Variants in CCDC6 observed in about 807,000 individuals in gnomAD.
CCDC6 encodes coiled-coil domain containing 6.
Under a neutral mutation model 56.6 loss-of-function variants are expected in CCDC6, and 20 were observed. The observed-to-expected ratio is 0.35, with a 90% CI of 0.25 to 0.51. The LOEUF (loss-of-function observed/expected upper bound fraction) is 0.51, where lower values mean the gene tolerates loss of function less well. CCDC6 is among the 20% of genes least tolerant of loss of function. The pLI is 0.95. For synonymous variants in CCDC6, 241 were observed against 234.4 expected (o/e 1.03, Z -0.26); for missense variants, 367 against 601.1 (o/e 0.61, Z 4.07).
At chr10:59,856,757 A>G (rs776198664) in intron 1 of CCDC6, among the ~76,000 whole-genome samples, 7 of 152,312 alleles carry the variant, frequency 4.6e-5, no homozygotes, top group Middle Eastern at 3.4e-3. Context: ...TTTACCTAAA[A>G]TGCTTGCAAG....
chr10:59,863,868 A>G (rs915711248), intron 1 of CCDC6, among the ~76,000 whole-genome samples: 3 of 152,220 alleles, frequency 2.0e-5, no homozygotes, highest in African/African-American at 7.2e-5. Flanking sequence ...ATAACAATTC[A>G]CTGTAAAAAA....
chr10:59,876,362 T>C (rs1387238693), intron 1 of CCDC6, among the ~76,000 whole-genome samples: 1 of 152,000 alleles, frequency 6.6e-6, no homozygotes, highest in African/African-American at 2.4e-5. Context: ...CATATCATTT[T>C]TTTAAAAATC....
chr10:59,797,588 C>CAAAA (rs10561094), intron 7 of CCDC6, among the ~76,000 whole-genome samples: 680 of 31,446 alleles, frequency 0.022, 31 homozygotes, highest in African/African-American at 0.049. Flanking sequence ...AACCTCCTAG[C>CAAAA]AAAAAAAAAA....
At chr10:59,812,932 G>A (rs1254804432) in intron 4 of CCDC6, 137 bp from the exon 5 acceptor site, 1 of 600,366 alleles carries the variant, frequency 1.7e-6, no homozygotes, top group Non-Finnish European at 2.9e-6. Context: ...TAATTCCTCT[G>A]CCCATTTTAC....
intron 8 of CCDC6, among the ~76,000 whole-genome samples, chr10:59,793,506 G>A (rs149530855): frequency 1.6e-4 from 25 of 152,296 alleles, no homozygotes; most frequent in African/African-American, 2.4e-4. Context: ...GTTTGAGGCC[G>A]GGTGCAGTGG....
At chr10:59,852,487 C>CA in intron 2 of CCDC6, 66 bp downstream of exon 2, 1 of 1,362,356 alleles carries the variant, frequency 7.3e-7, no homozygotes, top group Non-Finnish European at 9.9e-7. Flanking sequence ...AGTGCTATAT[C>CA]AAAGTCATTT....
Position 59,883,243 on chromosome 10 carries a change from G to A in CCDC6, c.303+22879C>T, listed in dbSNP as rs573407460. ...ATAAGCAGACAACACTGTCAGTTAC[G>A]AAAAGGACTAAAGTATAGCAATGAG... On this transcript the variant is annotated intron_variant, in intron 1 of 8. Coordinates refer to ENST00000263102, the MANE Select transcript of CCDC6 (RefSeq NM_005436.5). 6.6e-5 allele frequency among the ~76,000 whole-genome samples: 10 copies of A among 152,228 alleles called. 1 individual carries two copies. Among genetic ancestry groups the A allele is most frequent in the South Asian group, 2.1e-4 (1 of 4,816 alleles).
chr10:59,800,371 T>C (rs1176137495), intron 7 of CCDC6, among the ~76,000 whole-genome samples: 1 of 152,244 alleles, frequency 6.6e-6, no homozygotes, highest in Non-Finnish European at 1.5e-5. Flanking sequence ...ATTTTGTCAC[T>C]TTGTGAATGT....
chr10:59,814,627 T>A, intron 4 of CCDC6, 25 bp downstream of exon 4: 1 of 1,382,826 alleles, frequency 7.2e-7, no homozygotes, highest in Non-Finnish European at 1.0e-6. Context: ...CACACACCCA[T>A]ACTGAACAGC....
chr10:59,852,025 C>T (rs1056595359), intron 2 of CCDC6, among the ~76,000 whole-genome samples: 4 of 152,200 alleles, frequency 2.6e-5, no homozygotes, highest in South Asian at 2.1e-4. Flanking sequence ...TCGTGATCAA[C>T]GTTGAGTTTT....
rs2071550011 is a variant in CCDC6, at chr10:59,906,519, GGAGCGCCGAGCT to G, written c.-107_-96del. ...TGAGTGGGCGCCGGGCGAGCACAGG[GGAGCGCCGAGCT>G]GAGCGCCTGGCACCAGGGCGCAGAC... On this transcript the variant is annotated 5_prime_UTR_variant, in exon 1 of 9. Coordinates refer to ENST00000263102, the MANE Select transcript of CCDC6 (RefSeq NM_005436.5). 4 of 1,138,396 alleles carry G rather than the reference GGAGCGCCGAGCT, an allele frequency of 3.5e-6. No homozygotes were observed. Among genetic ancestry groups the G allele is most frequent in the East Asian group, 3.0e-5 (1 of 33,290 alleles). The allele number at this position is 1,138,396 out of a possible 1,614,324, so 70.5% of individuals were successfully genotyped here. A position where few individuals can be genotyped will look rare whatever the true frequency, so the allele number is the denominator to read the frequency against.
chr10:59,803,937 G>C (rs1452912126), intron 7 of CCDC6, among the ~76,000 whole-genome samples: 2 of 152,200 alleles, frequency 1.3e-5, no homozygotes, highest in East Asian at 1.9e-4. Flanking sequence ...TCCTGGCTGT[G>C]TAACCAGTAG....
At chr10:59,840,458 C>T (rs2070928243) in intron 2 of CCDC6, among the ~76,000 whole-genome samples, 1 of 152,174 alleles carries the variant, frequency 6.6e-6, no homozygotes, top group Admixed American at 6.5e-5. Flanking sequence ...TTGCGTTTTC[C>T]TTATGATATG....
chr10:59,800,117 A>G (rs1302219862), intron 7 of CCDC6, among the ~76,000 whole-genome samples: 1 of 152,252 alleles, frequency 6.6e-6, no homozygotes, highest in Non-Finnish European at 1.5e-5. Flanking sequence ...TTGCAAGAAT[A>G]TTACAGGGTT....
intron 1 of CCDC6, among the ~76,000 whole-genome samples, chr10:59,856,345 T>TTAAA (rs1469108578): frequency 7.3e-6 from 1 of 137,632 alleles, no homozygotes; most frequent in Non-Finnish European, 1.6e-5. Flanking sequence ...CAGCCTTAGG[T>TTAAA]AAAAAAAAAA....
chr10:59,794,853 A>G lies in CCDC6; in HGVS notation c.1106-256T>C, dbSNP rs1169998662. 4.6e-5 allele frequency among the ~76,000 whole-genome samples: 7 copies of G among 152,180 alleles called. No homozygotes were observed. The South Asian group carries it at 1.0e-3, about 22-fold the overall frequency. On this transcript the variant is annotated intron_variant, in intron 7 of 8. Transcript: ENST00000263102. ...TCAAAAAGGGCACCAAGAATACACA[A>G]CGGGGAAAGAGAACAGTCTCTTCAA...
intron 2 of CCDC6, among the ~76,000 whole-genome samples, chr10:59,833,047 A>G (rs760004253): frequency 6.6e-6 from 1 of 152,228 alleles, no homozygotes; most frequent in Non-Finnish European, 1.5e-5. Context: ...ATTATTCAGA[A>G]TGCTATTTCC....
chr10:59,893,230 A>AT (rs1446330432), intron 1 of CCDC6, among the ~76,000 whole-genome samples: 2 of 152,218 alleles, frequency 1.3e-5, no homozygotes, highest in African/African-American at 4.8e-5. Flanking sequence ...AACAGAGCAC[A>AT]TGACAGTTTC....
At chr10:59,871,374 T>TAC (rs905386911) in intron 1 of CCDC6, among the ~76,000 whole-genome samples, 5 of 149,442 alleles carry the variant, frequency 3.3e-5, no homozygotes, top group African/African-American at 9.9e-5. Context: ...TACATGTGTA[T>TAC]ACACGTACAC....
Sources: allele counts gnomAD v4.1 joint callset (sites outside exome capture counted in the v4.1 genomes callset), GRCh38; gene constraint gnomAD v4.1.1; transcripts MANE v1.5; gene names NCBI Gene and HGNC (gene_info 2026-07-23, HGNC 2026-07-21).